The following SPATA7 variants were observed in gnomAD, a reference collection of about 807,000 sequenced individuals.
SPATA7 encodes spermatogenesis-associated protein 7.
SPATA7 carries 43 observed loss-of-function variants against 51.8 expected under a neutral mutation model. That is an observed-to-expected ratio of 0.83 (90% CI 0.65 to 1.07). The LOEUF (loss-of-function observed/expected upper bound fraction) is 1.07, where lower values mean the gene tolerates loss of function less well. Ranked by LOEUF, SPATA7 falls within the 50% of genes least tolerant of loss-of-function variation. The pLI, the probability that SPATA7 is intolerant of heterozygous loss-of-function variation, is 0.00. For missense variants in SPATA7, 683 were observed against 701.3 expected, an observed-to-expected ratio of 0.97 and a Z score of 0.30; for synonymous variants, 230 against 252.8, an observed-to-expected ratio of 0.91 and a Z score of 0.86.
At chr14:88,449,928 G>A (rs564494836) in intron 3 of SPATA7, among the ~76,000 whole-genome samples, 4 of 152,002 alleles carry the variant, frequency 2.6e-5, no homozygotes, top group Admixed American at 6.6e-5. Flanking sequence ...TGCATGGAAA[G>A]ATATTCCATT....
intron 5 of SPATA7, among the ~76,000 whole-genome samples, chr14:88,422,300 A>G (rs973384991): frequency 6.6e-6 from 1 of 152,186 alleles, no homozygotes; most frequent in African/African-American, 2.4e-5. Context: ...CCCCAGGGCT[A>G]TTATGTAGAT....
chr14:88,434,501 A>C (rs773374771), intron 10 of SPATA7, among the ~76,000 whole-genome samples: 2 of 152,144 alleles, frequency 1.3e-5, no homozygotes, highest in Non-Finnish European at 2.9e-5. Context: ...CCTGGCCAAT[A>C]TGGTGAAACC....
At chr14:88,419,778 G>A (rs2076588814) in intron 5 of SPATA7, among the ~76,000 whole-genome samples, 1 of 152,008 alleles carries the variant, frequency 6.6e-6, no homozygotes, top group Non-Finnish European at 1.5e-5. Flanking sequence ...GCCTGCCTCG[G>A]CCTCCCAAAG....
intron 6 of SPATA7, among the ~76,000 whole-genome samples, chr14:88,426,947 C>T (rs968136643): frequency 4.6e-5 from 7 of 152,018 alleles, no homozygotes; most frequent in Non-Finnish European, 8.8e-5. Flanking sequence ...TTATTTCAAG[C>T]GTGGTTCAAG....
intron 11 of SPATA7, 80 bp downstream of exon 11, chr14:88,437,677 T>C: frequency 2.2e-6 from 3 of 1,378,968 alleles, no homozygotes; most frequent in Non-Finnish European, 3.0e-6. Flanking sequence ...CTTCAAACAA[T>C]ACATTAAAAG....
At chr14:88,449,509 T>C (rs1191259318) in intron 3 of SPATA7, among the ~76,000 whole-genome samples, 5 of 152,224 alleles carry the variant, frequency 3.3e-5, no homozygotes, top group Admixed American at 3.3e-4. Flanking sequence ...ATGGTCTATC[T>C]TGGAGAATGT....
intron 5 of SPATA7, among the ~76,000 whole-genome samples, chr14:88,422,469 CTAT>C (rs1441556732): frequency 4.6e-5 from 7 of 151,446 alleles, no homozygotes; most frequent in Non-Finnish European, 1.0e-4. Flanking sequence ...AAATTTGTTT[CTAT>C]TATTCAGCAT....
At position 88,391,716 on chromosome 14, in the gene SPATA7, A is replaced by C. The variant is rs2075750531; in HGVS notation, c.94+261A>C. 3 of 523,544 alleles carry C rather than the reference A, an allele frequency of 5.7e-6. No individual in the cohort carries two copies. The East Asian group carries it at 1.3e-4, about 22-fold the overall frequency. 32.4% of individuals were successfully genotyped at this position (523,544 alleles called of 1,614,324 possible). Reference sequence around the variant, plus strand: ...ACAGCAGCCCAGCTCTACTTTTGCCAGGAAACTACCCTGATTTAAGGCATA... The same window carrying C: ...ACAGCAGCCCAGCTCTACTTTTGCCCGGAAACTACCCTGATTTAAGGCATA... On this transcript the variant is annotated intron_variant, in intron 2 of 11. Transcript: ENST00000393545.
At chr14:88,385,903 G>A (rs1323653586) in intron 1 of SPATA7, 66 bp downstream of exon 1, 1 of 1,552,650 alleles carries the variant, frequency 6.4e-7, no homozygotes, top group Non-Finnish European at 8.7e-7. Context: ...TCCCAGCCTC[G>A]GGTCCGGGCA....
intron 6 of SPATA7, among the ~76,000 whole-genome samples, chr14:88,427,036 A>T (rs917201856): frequency 3.3e-5 from 5 of 152,230 alleles, no homozygotes; most frequent in African/African-American, 1.2e-4. Flanking sequence ...GGAAATATGC[A>T]TATTGATTCA....
At chr14:88,470,032 C>A (rs747979607) in exon 5 of SPATA7, 1 of 1,613,018 alleles carries the variant, frequency 6.2e-7, no homozygotes, top group Non-Finnish European at 8.5e-7. Context: ...TAATCCCATT[C>A]GATTCCACTG....
chr14:88,455,555 C>A (rs946546994), downstream of SPATA7, among the ~76,000 whole-genome samples: 2 of 152,154 alleles, frequency 1.3e-5, no homozygotes, highest in African/African-American at 4.8e-5. Flanking sequence ...ACCCTTCAAG[C>A]CTTTTTGCCC....
intron 1 of SPATA7, among the ~76,000 whole-genome samples, chr14:88,388,731 T>C (rs775733640): frequency 1.3e-5 from 2 of 151,912 alleles, no homozygotes; most frequent in Non-Finnish European, 2.9e-5. Context: ...GTCTCTAGTA[T>C]ATAAAACAAA....
rs1285636185 is a variant in SPATA7, at chr14:88,444,322, A to G, written c.177+6419A>G. Among the ~76,000 whole-genome samples the G allele has an allele frequency of 1.7e-4, 26 of 151,748 alleles. No homozygotes were observed. In the South Asian group the frequency reaches 5.0e-3, roughly 29 times the overall value. On this transcript the variant is annotated intron_variant, in intron 3 of 3. Coordinates refer to the SPATA7 transcript ENST00000554802. The stretch of plus-strand genomic sequence containing the variant: ...TGTTCATGTCCTTTGCCCACTTTTT[A>G]ATGGGGTTGTTTGTTTTTTTCTTGT...
At chr14:88,446,170 T>C (rs956188918) in intron 3 of SPATA7, among the ~76,000 whole-genome samples, 12 of 152,204 alleles carry the variant, frequency 7.9e-5, no homozygotes, top group Non-Finnish European at 1.6e-4. Context: ...GATCCTGTTA[T>C]TGGTCTATTC....
chr14:88,437,110 T>C (rs978214934), intron 10 of SPATA7, among the ~76,000 whole-genome samples: 2 of 151,844 alleles, frequency 1.3e-5, no homozygotes, highest in Non-Finnish European at 2.9e-5. Context: ...TTTTGTTCAT[T>C]GGTGTTTTAT....
At chr14:88,410,227 GTC>G (rs1237480755) in intron 4 of SPATA7, among the ~76,000 whole-genome samples, 1 of 152,164 alleles carries the variant, frequency 6.6e-6, no homozygotes, top group African/African-American at 2.4e-5. Context: ...GGCAGTCTAA[GTC>G]TCTTTGTAGG....
Position 88,429,462 on chromosome 14 carries a change from A to G in SPATA7, c.1027A>G (p.Arg343Gly), listed in dbSNP as rs1161154239. Residue 343 changes from arginine (R) to glycine (G), a missense_variant and splice_region_variant, in exon 8 of 12, where the codon AGG becomes GGG. Physicochemically the swap from Arg to Gly is moderately radical, Grantham distance 125. Coordinates refer to ENST00000393545, the MANE Select transcript of SPATA7 (RefSeq NM_018418.5). ...TGATGCTCTTCAGCATTCCTCACCA[A>G]GGTAAACAGTTCACAGGAGAAATAA... ...KDDALQHSSP[R>G]AMCQYSLKPP... 6.3e-7 allele frequency: 1 copy of G among 1,584,206 alleles called. No homozygotes were observed. Among genetic ancestry groups the G allele is most frequent in the Non-Finnish European group, 8.7e-7 (1 of 1,153,130 alleles).
At position 88,431,220 on chromosome 14, in the gene SPATA7, C is replaced by T. The variant is rs746439416; in HGVS notation, c.1077C>T (p.Tyr359=). The change falls in exon 9 of 12, where the codon TAC becomes TAT. Residue 359 remains tyrosine (Y), a synonymous_variant. Coordinates refer to ENST00000393545, the MANE Select transcript of SPATA7 (RefSeq NM_018418.5). The part of the protein sequence containing the change: ...SLKPPSTRKI[Y]SDEEELLYLS... ...AGCCCCCTTCAACTCGTAAAATCTA[C>T]TCTGAGTAAGATCTTTTTTAAGTCT... 6.2e-7 allele frequency: 1 copy of T among 1,613,082 alleles called. No homozygotes were observed. The highest frequency in any genetic ancestry group is 1.1e-5 in the South Asian group (1 of 91,060).
Sources: gnomAD v4.1 joint callset for allele counts (sites outside exome capture counted in the v4.1 genomes callset) on GRCh38, gnomAD v4.1.1 for gene constraint, MANE v1.5 for transcripts, NCBI Gene and HGNC (gene_info 2026-07-23, HGNC 2026-07-21) for gene names.